The following USP32 variants were observed in gnomAD, a reference collection of about 807,000 sequenced individuals.
The protein encoded by USP32 is ubiquitin carboxyl-terminal hydrolase 32.
In USP32, 59 loss-of-function variants were observed where a neutral mutation model predicts 204.8. That is an observed-to-expected ratio of 0.29 (90% CI 0.23 to 0.36). The LOEUF is 0.36. USP32 is among the 10% of genes least tolerant of loss of function. The probability of loss-of-function intolerance (pLI) is 1.00; values close to 1 mark genes in which losing one functional copy is unlikely to be tolerated. For synonymous variants in USP32, 517 were observed against 678.4 expected, an observed-to-expected ratio of 0.76 and a Z score of 3.70; for missense variants, 1,160 against 1,946.4, an observed-to-expected ratio of 0.60 and a Z score of 7.60.
rs548579513 is a variant in USP32, at chr17:60,205,851, G to A, written c.3038-193C>T. ...TTTACTTCCCTAACTCACACTTTTG[G>A]CCAAATGAAAAGGAAAGAGTAACTG... On this transcript the variant is annotated intron_variant, in intron 25 of 33. Transcript: ENST00000300896. 2.1e-3 allele frequency among the ~76,000 whole-genome samples: 322 copies of A among 150,942 alleles called. 3 individuals carry two copies. Among genetic ancestry groups the A allele is most frequent in the African/African-American group, 7.4e-3 (303 of 41,014 alleles).
intron 5 of USP32, among the ~76,000 whole-genome samples, chr17:60,284,523 T>C (rs1024549210): frequency 2.0e-5 from 3 of 152,140 alleles, no homozygotes; most frequent in African/African-American, 7.2e-5. Flanking sequence ...CCCAGCCTAA[T>C]TCAAGATTTC....
At chr17:60,218,096 T>TG (rs1207256283) in intron 16 of USP32, among the ~76,000 whole-genome samples, 10 of 152,226 alleles carry the variant, frequency 6.6e-5, no homozygotes, top group Admixed American at 1.3e-4. Flanking sequence ...CAGGGGCCAA[T>TG]GCTTTGCTAT....
intron 16 of USP32, among the ~76,000 whole-genome samples, chr17:60,218,250 G>A (rs192692145): frequency 6.0e-4 from 91 of 152,198 alleles, no homozygotes; most frequent in Middle Eastern, 3.4e-3. Flanking sequence ...CAGGTGTGGT[G>A]GTGGGCGCCT....
At chr17:60,363,630 G>A (rs2089256711) in intron 1 of USP32, among the ~76,000 whole-genome samples, 4 of 151,558 alleles carry the variant, frequency 2.6e-5, no homozygotes, top group Admixed American at 2.6e-4. Context: ...GGGACCATAG[G>A]TCCATGCCAC....
At chr17:60,213,557 T>C (rs1389446540) in intron 18 of USP32, 24 bp downstream of exon 18, 5 of 1,049,020 alleles carry the variant, frequency 4.8e-6, no homozygotes, top group Admixed American at 2.9e-5. Context: ...AAATTTAATA[T>C]AGATGCATGC....
intron 21 of USP32, among the ~76,000 whole-genome samples, chr17:60,209,763 G>GCAATATTTTGGA (rs2084913280): frequency 6.6e-6 from 1 of 152,092 alleles, no homozygotes; most frequent in African/African-American, 2.4e-5. Flanking sequence ...CCAATACTGT[G>GCAATATTTTGGA]CAATACTGTG....
In USP32 at chr17:60,269,572, G is replaced by A. The variant is rs2086678506; in HGVS notation, c.704-15C>T. Reference sequence around the variant, plus strand: ...ATTAAACAAACCTGTAAAATAGGAAGAGATGCCATAAATCACAGCCAAGCT... The same window carrying A: ...ATTAAACAAACCTGTAAAATAGGAAAAGATGCCATAAATCACAGCCAAGCT... On this transcript the variant is annotated splice_polypyrimidine_tract_variant and intron_variant, in intron 6 of 33. Transcript: ENST00000300896. 6.3e-7 allele frequency: 1 copy of A among 1,580,728 alleles called. No individual in the cohort carries two copies. Among genetic ancestry groups the A allele is most frequent in the South Asian group, 1.2e-5 (1 of 86,524 alleles).
chr17:60,207,398 A>G (rs972225330), intron 24 of USP32, among the ~76,000 whole-genome samples: 1 of 152,048 alleles, frequency 6.6e-6, no homozygotes, highest in Non-Finnish European at 1.5e-5. Flanking sequence ...TCAGGGATCT[A>G]AATTCCAACC....
chr17:60,189,681 T>C (rs2084331199), intron 29 of USP32, among the ~76,000 whole-genome samples: 1 of 152,200 alleles, frequency 6.6e-6, no homozygotes. Context: ...GAATGTGAAG[T>C]GCAAAGAGTG....
intron 2 of USP32, among the ~76,000 whole-genome samples, chr17:60,326,955 T>A (rs1410204838): frequency 7.9e-6 from 1 of 126,378 alleles, no homozygotes; most frequent in East Asian, 2.4e-4. Flanking sequence ...AGTAGAATAG[T>A]GGTTACTAGA....
At chr17:60,226,596 A>C (rs553073426) in intron 12 of USP32, among the ~76,000 whole-genome samples, 249 of 152,280 alleles carry the variant, frequency 1.6e-3, no homozygotes, top group African/African-American at 5.9e-3. Context: ...ATTATTAAAG[A>C]TTACATGGTC....
At position 60,253,330 on chromosome 17, in the gene USP32, T is replaced by C. The variant is rs961638591; in HGVS notation, c.1075-888A>G. Among the ~76,000 whole-genome samples the C allele has an allele frequency of 2.0e-5, 3 of 152,060 alleles. No individual in the cohort carries two copies. In the South Asian group the frequency reaches 6.2e-4, roughly 32 times the overall value. On this transcript the variant is annotated intron_variant, in intron 10 of 33. Transcript: ENST00000300896. ...CTGTCAACTGTACATGAGCAATACA[T>C]TGAATGTGTTCATGTACTGTTCATA... is the stretch of plus-strand genomic sequence containing the variant.
intron 2 of USP32, among the ~76,000 whole-genome samples, chr17:60,326,986 G>A (rs1288235669): frequency 6.6e-6 from 1 of 152,018 alleles, no homozygotes; most frequent in Non-Finnish European, 1.5e-5. Flanking sequence ...GGGAGGGGGA[G>A]GAAGTGATAG....
intron 5 of USP32, among the ~76,000 whole-genome samples, chr17:60,278,127 C>T (rs2086883180): frequency 6.6e-6 from 1 of 152,072 alleles, no homozygotes; most frequent in South Asian, 2.1e-4. Context: ...TGGCCTTGAA[C>T]TCCTGGACTC....
chr17:60,290,210 C>T (rs2087237048), intron 4 of USP32, among the ~76,000 whole-genome samples: 1 of 152,168 alleles, frequency 6.6e-6, no homozygotes, highest in Admixed American at 6.5e-5. Flanking sequence ...CTGAAGTTTG[C>T]CAGCTCCCTA....
intron 2 of USP32, among the ~76,000 whole-genome samples, chr17:60,344,923 T>G (rs2146002282): frequency 6.6e-6 from 1 of 152,320 alleles, no homozygotes; most frequent in Non-Finnish European, 1.5e-5. Flanking sequence ...TTCAGCCTCC[T>G]GAGTAGCTGG....
At chr17:60,316,584 TA>T (rs1445328406) in intron 2 of USP32, among the ~76,000 whole-genome samples, 1 of 152,150 alleles carries the variant, frequency 6.6e-6, no homozygotes, top group African/African-American at 2.4e-5. Context: ...CTCATGCCTG[TA>T]ATCTCAACAC....
At chr17:60,311,722 G>A (rs2087859232) in intron 2 of USP32, among the ~76,000 whole-genome samples, 1 of 152,182 alleles carries the variant, frequency 6.6e-6, no homozygotes, top group African/African-American at 2.4e-5. Context: ...CTACTCAGGA[G>A]GCTGAGGCAG....
At position 60,385,598 on chromosome 17, in the gene USP32, T is replaced by C. The variant is rs182634606; in HGVS notation, c.58+6284A>G. On this transcript the variant is annotated intron_variant, in intron 1 of 33. Transcript: ENST00000300896. Reference sequence around the variant, plus strand: ...GGCTCACGCCTATAATCTCAGCACTTTGGGAGGCCAGCGTAGGTGGATAAC... The same window carrying C: ...GGCTCACGCCTATAATCTCAGCACTCTGGGAGGCCAGCGTAGGTGGATAAC... Among the ~76,000 whole-genome samples, 4 of 151,982 alleles carry C rather than the reference T, an allele frequency of 2.6e-5. No homozygotes were observed. The East Asian group carries it at 5.8e-4, about 22-fold the overall frequency.
Sources: allele counts gnomAD v4.1 joint callset (sites outside exome capture counted in the v4.1 genomes callset), GRCh38; gene constraint gnomAD v4.1.1; transcripts MANE v1.5; gene names NCBI Gene and HGNC (gene_info 2026-07-23, HGNC 2026-07-21).